The following SBNO1 variants were observed in gnomAD, a reference collection of about 807,000 sequenced individuals.
The protein encoded by SBNO1 is protein strawberry notch homolog 1.
Under a neutral mutation model 173.6 loss-of-function variants are expected in SBNO1, and 23 were observed. The ratio of observed to expected loss-of-function variants is 0.13; its 90% CI spans 0.10 to 0.19. The LOEUF (loss-of-function observed/expected upper bound fraction) is 0.19, where lower values mean the gene tolerates loss of function less well. SBNO1 is among the 10% of genes least tolerant of loss of function. The pLI, the probability that SBNO1 is intolerant of heterozygous loss-of-function variation, is 1.00. For synonymous variants in SBNO1, 632 were observed against 571.5 expected (o/e 1.11, Z -1.51); for missense variants, 1,238 against 1,671.2 (o/e 0.74, Z 4.52).
In SBNO1 at chr12:123,341,075, A is replaced by C; in HGVS notation, c.564T>G (p.Asn188Lys). 6.4e-7 allele frequency: 1 copy of C among 1,567,778 alleles called. No individual in the cohort carries two copies. The highest frequency in any genetic ancestry group is 8.7e-7 in the Non-Finnish European group (1 of 1,152,928). Residue 188 changes from asparagine to lysine, a missense_variant, in exon 5 of 32, where the codon AAT (asparagine) becomes AAG (lysine). Coordinates refer to ENST00000602398, the MANE Select transcript of SBNO1 (RefSeq NM_001167856.3). ...TAGAAGACTCTTTCTTTACTGTACCATTGCTTACATCAGCTGAGGAGGAAA... is the reference window on the plus strand; with the variant it reads ...TAGAAGACTCTTTCTTTACTGTACCCTTGCTTACATCAGCTGAGGAGGAAA... ...PVATAATDVSNGTVKKESSNK... is the reference protein window; with the variant it reads ...PVATAATDVSKGTVKKESSNK...
Position 123,298,096 on chromosome 12 carries a change from T to C in SBNO1, c.3921A>G (p.Leu1307=). Residue 1307 remains leucine (L), a synonymous_variant, in exon 31 of 32, where the codon TTA becomes TTG. Coordinates refer to ENST00000602398, the MANE Select transcript of SBNO1 (RefSeq NM_001167856.3). The part of the protein sequence containing the change: ...IGLRCRTYYV[L]CGSVLSVWTK... ...TCCAGACACTCAGCACTGAACCACA[T>C]AATACATAATATGTACGGCAACGAA... The C allele has an allele frequency of 6.2e-7, 1 of 1,611,926 alleles. No individual in the cohort carries two copies. Among genetic ancestry groups the C allele is most frequent in the Non-Finnish European group, 8.5e-7 (1 of 1,179,502 alleles).
intron 1 of SBNO1, among the ~76,000 whole-genome samples, chr12:123,355,802 G>A (rs79837604): frequency 2.5e-4 from 38 of 152,124 alleles, no homozygotes; most frequent in Admixed American, 1.3e-3. Context: ...AAAAATAAAC[G>A]AAAGCATTTG....
At chr12:123,360,654 A>G (rs1224984247) in intron 1 of SBNO1, among the ~76,000 whole-genome samples, 1 of 151,994 alleles carries the variant, frequency 6.6e-6, no homozygotes, top group Non-Finnish European at 1.5e-5. Flanking sequence ...CGTGTTAGCC[A>G]GGATGGTATG....
chr12:123,340,792 A>G (rs7312145), intron 5 of SBNO1, among the ~76,000 whole-genome samples, 196 bp downstream of exon 5: 135,054 of 152,072 alleles, frequency 0.89, 60,106 homozygotes, highest in Middle Eastern at 0.95. Flanking sequence ...CACTCCATCA[A>G]TCTGCAAGTT....
At position 123,350,206 on chromosome 12, in the gene SBNO1, A is replaced by C. The variant is rs1873715170; in HGVS notation, c.132+104T>G. The C allele has an allele frequency of 3.8e-6, 5 of 1,305,906 alleles. No individual in the cohort carries two copies. In the Admixed American group the frequency reaches 8.1e-5, roughly 21 times the overall value. The allele number at this position is 1,305,906 out of a possible 1,614,324, so 80.9% of individuals were successfully genotyped here. On this transcript the variant is annotated intron_variant, in intron 2 of 31. Coordinates refer to ENST00000602398, the MANE Select transcript of SBNO1 (RefSeq NM_001167856.3). Reference sequence around the variant, plus strand: ...GAGGTTGAGGCTTCAGTAAGCCATGACTGCACCACTGCACCCCAGCCTGGG... The same window carrying C: ...GAGGTTGAGGCTTCAGTAAGCCATGCCTGCACCACTGCACCCCAGCCTGGG...
intron 5 of SBNO1, 81 bp from the exon 6 acceptor site, chr12:123,336,572 GAACA>G: frequency 2.5e-6 from 2 of 796,284 alleles, no homozygotes; most frequent in Non-Finnish European, 4.1e-6. Flanking sequence ...TCTCTTGTAG[GAACA>G]CCTACAAATT....
At chr12:123,338,912 G>GC (rs796814343) in intron 5 of SBNO1, among the ~76,000 whole-genome samples, 30 of 7,090 alleles carry the variant, frequency 4.2e-3, no homozygotes, top group South Asian at 0.022. Flanking sequence ...ACACACACAC[G>GC]CCCCCCCCCC....
In SBNO1 at chr12:123,331,390, G is replaced by C. The variant is rs754432186; in HGVS notation, c.910-15C>G. Reference sequence around the variant, plus strand: ...GTTTCATGTTGCTGAAAAACAAAAGGCTGGTAATTAATATAATCCTTCAGA... The same window carrying C: ...GTTTCATGTTGCTGAAAAACAAAAGCCTGGTAATTAATATAATCCTTCAGA... On this transcript the variant is annotated splice_polypyrimidine_tract_variant and intron_variant, in intron 7 of 31. Transcript: ENST00000602398. 1 of 1,611,902 alleles carries C rather than the reference G, an allele frequency of 6.2e-7. No homozygotes were observed. The highest frequency in any genetic ancestry group is 8.5e-7 in the Non-Finnish European group (1 of 1,178,928).
At chr12:123,332,862 C>T (rs1185696372) in intron 7 of SBNO1, among the ~76,000 whole-genome samples, 3 of 152,206 alleles carry the variant, frequency 2.0e-5, no homozygotes, top group Non-Finnish European at 4.4e-5. Context: ...CGGTGGCTCA[C>T]ACCTGTAATC....
At chr12:123,363,654 T>C (rs1387198349) in intron 1 of SBNO1, among the ~76,000 whole-genome samples, 2 of 152,194 alleles carry the variant, frequency 1.3e-5, no homozygotes, top group African/African-American at 2.4e-5. Context: ...ATTCAATGGA[T>C]AAAAACGTTG....
Position 123,303,832 on chromosome 12 carries a change from T to TA in SBNO1, c.3768+749dup, listed in dbSNP as rs1007505872. On this transcript the variant is annotated intron_variant, in intron 29 of 31. Transcript: ENST00000602398. ...CTCTGCAACACAGTGAGACCTCATT[T>TA]AAAAAAAAAGAAAGAAAGAAAAAGA... is the stretch of plus-strand genomic sequence containing the variant. Among the ~76,000 whole-genome samples the TA allele has an allele frequency of 8.8e-5, 13 of 147,304 alleles. No homozygotes were observed. In the East Asian group the frequency reaches 1.9e-3, roughly 22 times the overall value.
chr12:123,305,336 T>C (rs551612901), intron 28 of SBNO1, among the ~76,000 whole-genome samples: 1 of 152,154 alleles, frequency 6.6e-6, no homozygotes, highest in Non-Finnish European at 1.5e-5. Context: ...AGAGATCACA[T>C]GATAAAGTGT....
chr12:123,313,100 G>A (rs1368213804), intron 24 of SBNO1, among the ~76,000 whole-genome samples: 2 of 151,748 alleles, frequency 1.3e-5, no homozygotes, highest in African/African-American at 4.8e-5. Flanking sequence ...CTACTCAGGA[G>A]GCTGAGGCAG....
chr12:123,294,634 C>CAAAAAAAAAAAAAAAAAAAAAAAAGA lies in SBNO1; in HGVS notation c.*1273_*1274insTCTTTTTTTTTTTTTTTTTTTTTTTT, dbSNP rs2048560283. The CAAAAAAAAAAAAAAAAAAAAAAAAGA allele has an allele frequency of 1.7e-5, 1 of 59,958 alleles. No individual in the cohort carries two copies. Among genetic ancestry groups the CAAAAAAAAAAAAAAAAAAAAAAAAGA allele is most frequent in the Non-Finnish European group, 2.7e-5 (1 of 36,860 alleles). 3.7% of individuals were successfully genotyped at this position (59,958 alleles called of 1,614,324 possible). A position where few individuals can be genotyped will look rare whatever the true frequency, so the allele number is the denominator to read the frequency against. On this transcript the variant is annotated 3_prime_UTR_variant, in exon 32 of 32. Transcript: ENST00000602398. ...TTTTCAATAGTGCAACCTGTGGAAG[C>CAAAAAAAAAAAAAAAAAAAAAAAAGA]AAAAAAAAAAAAAAAAAAAAAAAAA...
At chr12:123,346,629 A>G (rs948794431) in intron 3 of SBNO1, among the ~76,000 whole-genome samples, 3 of 152,200 alleles carry the variant, frequency 2.0e-5, no homozygotes, top group Non-Finnish European at 4.4e-5. Flanking sequence ...GCGCCACTGC[A>G]CTCCAACCTG....
At chr12:123,315,466 A>C (rs1256513579) in intron 22 of SBNO1, 22 bp from the exon 23 acceptor site, 2 of 1,604,426 alleles carry the variant, frequency 1.2e-6, no homozygotes, top group African/African-American at 2.7e-5. Context: ...AAAAATTTCA[A>C]TCAAGGCACA....
In SBNO1 at chr12:123,295,692, G is replaced by C; in HGVS notation, c.*216C>G. 1.8e-6 allele frequency: 1 copy of C among 553,032 alleles called. No individual in the cohort carries two copies. The highest frequency in any genetic ancestry group is 2.8e-5 in the East Asian group (1 of 35,088). The allele number at this position is 553,032 out of a possible 1,614,324, so 34.3% of individuals were successfully genotyped here. ...AAGTAAAAGCAGATGGGAATTATCA[G>C]GGGAGAAGCTAAAGGAAAGACATAT... On this transcript the variant is annotated 3_prime_UTR_variant, in exon 32 of 32. Coordinates refer to ENST00000602398, the MANE Select transcript of SBNO1 (RefSeq NM_001167856.3).
At chr12:123,330,710 A>T (rs1451683712) in intron 8 of SBNO1, among the ~76,000 whole-genome samples, 1 of 151,904 alleles carries the variant, frequency 6.6e-6, no homozygotes, top group Non-Finnish European at 1.5e-5. Context: ...CTAAGGCAGG[A>T]GGACTGCTTG....
chr12:123,325,535 C>G lies in SBNO1; in HGVS notation c.1940G>C (p.Gly647Ala). The change falls in exon 15 of 32, where the codon GGG (glycine) becomes GCG (alanine). Residue 647 changes from glycine (G) to alanine (A), a missense_variant. Transcript: ENST00000602398. The stretch of plus-strand genomic sequence containing the variant: ...TGAAACAAAATCATTCAATTCTCCC[C>G]CGCCCTCTTCCAAAGCTTCTAATGT... ...ARTLEALEEG[G>A]GELNDFVSTA... 1 of 1,613,294 alleles carries G rather than the reference C, an allele frequency of 6.2e-7. No individual in the cohort carries two copies. Among genetic ancestry groups the G allele is most frequent in the Non-Finnish European group, 8.5e-7 (1 of 1,179,338 alleles).
Sources: gnomAD v4.1 joint callset for allele counts (sites outside exome capture counted in the v4.1 genomes callset) on GRCh38, gnomAD v4.1.1 for gene constraint, MANE v1.5 for transcripts, NCBI Gene and HGNC (gene_info 2026-07-23, HGNC 2026-07-21) for gene names.